The following SLC4A4 variants were observed in gnomAD, a reference collection of about 807,000 sequenced individuals.
The protein encoded by SLC4A4 is solute carrier family 4 member 4, also known as electrogenic sodium bicarbonate cotransporter 1.
A neutral mutation model predicts 111.5 loss-of-function variants in SLC4A4; 27 were observed. That is an observed-to-expected ratio of 0.24 (90% CI 0.18 to 0.33). The LOEUF (loss-of-function observed/expected upper bound fraction) is 0.33, where lower values mean the gene tolerates loss of function less well. Among genes scored for constraint, SLC4A4 ranks in the 10% least tolerant of loss-of-function variants. SLC4A4 has a pLI of 1.00. For synonymous variants in SLC4A4, 443 were observed against 463.4 expected, an observed-to-expected ratio of 0.96 and a Z score of 0.57; for missense variants, 909 against 1,315.5, an observed-to-expected ratio of 0.69 and a Z score of 4.78.
chr4:71,177,406 C>T (rs573240221), intron 2 of SLC4A4, among the ~76,000 whole-genome samples: 1 of 152,184 alleles, frequency 6.6e-6, no homozygotes, highest in African/African-American at 2.4e-5. Flanking sequence ...GAGTCAAGAC[C>T]CATCAGTGTG....
chr4:71,179,449 G>GA (rs1745214241), intron 2 of SLC4A4, among the ~76,000 whole-genome samples: 1 of 152,142 alleles, frequency 6.6e-6, no homozygotes, highest in Non-Finnish European at 1.5e-5. Flanking sequence ...TGTATATCTA[G>GA]AAAACCCCAT....
intron 1 of SLC4A4, among the ~76,000 whole-genome samples, chr4:71,074,843 T>C (rs1334745443): frequency 6.6e-6 from 1 of 152,206 alleles, no homozygotes; most frequent in Non-Finnish European, 1.5e-5. Flanking sequence ...CTGCTAAAAA[T>C]ACAGCAACCA....
chr4:71,297,819 C>A (rs1041087611), intron 3 of SLC4A4, among the ~76,000 whole-genome samples: 1 of 151,996 alleles, frequency 6.6e-6, no homozygotes, highest in African/African-American at 2.4e-5. Context: ...AACTCCTGAC[C>A]ACAAGTGATC....
Position 71,472,750 on chromosome 4 carries a change from C to G in SLC4A4, c.1683C>G (p.Ser561=). 1 of 1,612,782 alleles carries G rather than the reference C, an allele frequency of 6.2e-7. No homozygotes were observed. Among genetic ancestry groups the G allele is most frequent in the Non-Finnish European group, 8.5e-7 (1 of 1,179,260 alleles). Reference sequence around the variant, plus strand: ...TTCGCCTTTGGATTGGCCTGTGGTCCGCCTTCCTATGTCTCATTTTGGTAG... The same window carrying G: ...TTCGCCTTTGGATTGGCCTGTGGTCGGCCTTCCTATGTCTCATTTTGGTAG... ...LEFRLWIGLW[S]AFLCLILVAT... The change falls in exon 14 of 26, where the codon TCC becomes TCG. Residue 561 remains serine (S), a synonymous_variant. Transcript: ENST00000264485.
At chr4:71,243,950 T>C (rs1720438587) in intron 2 of SLC4A4, among the ~76,000 whole-genome samples, 1 of 152,130 alleles carries the variant, frequency 6.6e-6, no homozygotes, top group African/African-American at 2.4e-5. Flanking sequence ...GCCAAAAACT[T>C]CCGGGAATAA....
chr4:71,197,834 T>C (rs1746076546), intron 1 of SLC4A4, among the ~76,000 whole-genome samples: 1 of 152,182 alleles, frequency 6.6e-6, no homozygotes, highest in African/African-American at 2.4e-5. Flanking sequence ...AAAAATAGAA[T>C]TAGAGACACC....
At chr4:71,550,195 A>G (rs1222767447) in intron 20 of SLC4A4, among the ~76,000 whole-genome samples, 1 of 152,014 alleles carries the variant, frequency 6.6e-6, no homozygotes, top group Non-Finnish European at 1.5e-5. Flanking sequence ...AGTTTATAGC[A>G]TACTGTACAC....
intron 2 of SLC4A4, among the ~76,000 whole-genome samples, chr4:71,123,532 T>C (rs1024883853): frequency 6.6e-6 from 1 of 152,192 alleles, no homozygotes; most frequent in Admixed American, 6.5e-5. Flanking sequence ...TGAGTATTTG[T>C]AGGGAAGAAG....
chr4:71,536,362 A>C (rs1260962592), intron 18 of SLC4A4, among the ~76,000 whole-genome samples: 1 of 149,596 alleles, frequency 6.7e-6, no homozygotes, highest in Non-Finnish European at 1.5e-5. Flanking sequence ...TTTTTGGAAA[A>C]TAAAATCTGC....
intron 1 of SLC4A4, among the ~76,000 whole-genome samples, chr4:71,076,150 A>G (rs1015152246): frequency 6.6e-6 from 1 of 152,130 alleles, no homozygotes; most frequent in Non-Finnish European, 1.5e-5. Flanking sequence ...TGTAAACTCC[A>G]CTGAGGACAA....
At chr4:71,073,810 G>A (rs547676929) in intron 1 of SLC4A4, among the ~76,000 whole-genome samples, 19 of 152,116 alleles carry the variant, frequency 1.2e-4, no homozygotes, top group South Asian at 6.2e-4. Flanking sequence ...GGCCGGGTGC[G>A]GTGGCTTACA....
chr4:71,326,654 A>G (rs1727526423), intron 3 of SLC4A4, among the ~76,000 whole-genome samples: 1 of 152,076 alleles, frequency 6.6e-6, no homozygotes, highest in Non-Finnish European at 1.5e-5. Context: ...TCTGAAAAAG[A>G]GTAAAAAGCT....
intron 16 of SLC4A4, among the ~76,000 whole-genome samples, chr4:71,518,581 C>G (rs909797438): frequency 6.6e-6 from 1 of 152,074 alleles, no homozygotes; most frequent in African/African-American, 2.4e-5. Flanking sequence ...AGGCCTGGAG[C>G]CTGTATTGGC....
chr4:71,521,751 T>G (rs560567765), intron 16 of SLC4A4, among the ~76,000 whole-genome samples: 1 of 152,080 alleles, frequency 6.6e-6, no homozygotes, highest in Non-Finnish European at 1.5e-5. Context: ...GCAGAGAGTG[T>G]GGTAGAGGGG....
At chr4:71,121,376 CG>C (rs1743420718) in intron 2 of SLC4A4, among the ~76,000 whole-genome samples, 1 of 152,222 alleles carries the variant, frequency 6.6e-6, no homozygotes, top group South Asian at 2.1e-4. Context: ...GTGGGACTGG[CG>C]GGCAGCTCCG....
intron 3 of SLC4A4, among the ~76,000 whole-genome samples, chr4:71,277,816 T>C (rs920034166): frequency 1.3e-5 from 2 of 152,174 alleles, no homozygotes; most frequent in African/African-American, 4.8e-5. Context: ...CATTGAGGTA[T>C]AGTTAACAAA....
chr4:71,282,543 C>T (rs1723605598), intron 3 of SLC4A4, among the ~76,000 whole-genome samples: 1 of 151,880 alleles, frequency 6.6e-6, no homozygotes, highest in Non-Finnish European at 1.5e-5. Context: ...CCTCGGCCTC[C>T]CAAAGTGCTG....
At chr4:71,403,893 T>C (rs975636729) in intron 7 of SLC4A4, among the ~76,000 whole-genome samples, 1 of 152,140 alleles carries the variant, frequency 6.6e-6, no homozygotes, top group Non-Finnish European at 1.5e-5. Flanking sequence ...ATTGTATGAA[T>C]ATCCCAGTGC....
chr4:71,288,206 A>G (rs575816932), intron 3 of SLC4A4, among the ~76,000 whole-genome samples: 9 of 152,268 alleles, frequency 5.9e-5, no homozygotes, highest in African/African-American at 2.2e-4. Flanking sequence ...AATGGATTCT[A>G]TCTTGCATGG....
Sources: gnomAD v4.1 joint callset for allele counts (sites outside exome capture counted in the v4.1 genomes callset) on GRCh38, gnomAD v4.1.1 for gene constraint, MANE v1.5 for transcripts, NCBI Gene and HGNC (gene_info 2026-07-23, HGNC 2026-07-21) for gene names.